COL4A3: variants seen among roughly 807,000 people sequenced by gnomAD.
COL4A3 encodes the protein collagen alpha-3(IV) chain.
COL4A3 carries 135 observed loss-of-function variants against 217.4 expected under a neutral mutation model. That is an observed-to-expected ratio of 0.62 (90% CI 0.54 to 0.72). The LOEUF (loss-of-function observed/expected upper bound fraction) is 0.72, where lower values mean the gene tolerates loss of function less well. Among genes scored for constraint, COL4A3 ranks in the 30% least tolerant of loss-of-function variants. The pLI is 0.00. For synonymous variants in COL4A3, 690 were observed against 736.3 expected (o/e 0.94, Z 1.02); for missense variants, 1,868 against 2,119.9 (o/e 0.88, Z 2.33).
At chr2:227,306,262 C>T (rs1404800107) in intron 47 of COL4A3, among the ~76,000 whole-genome samples, 1 of 152,192 alleles carries the variant, frequency 6.6e-6, no homozygotes, top group East Asian at 1.9e-4. Context: ...ATGGAGGCCT[C>T]ACAAGAATGA....
intron 1 of COL4A3, among the ~76,000 whole-genome samples, chr2:227,168,802 C>G (rs76744103): frequency 0.049 from 7,527 of 152,104 alleles, 235 homozygotes; most frequent in Admixed American, 0.087. Flanking sequence ...ATTATGAGAT[C>G]TACTTTTATC....
chr2:227,246,731 G>T lies in COL4A3; in HGVS notation c.434G>T (p.Gly145Val). The T allele has an allele frequency of 1.9e-6, 3 of 1,612,240 alleles. No individual in the cohort carries two copies. The highest frequency in any genetic ancestry group is 2.5e-6 in the Non-Finnish European group (3 of 1,178,432). Residue 145 changes from glycine (G) to valine (V), a missense_variant, in exon 7 of 52, where the codon GGG (glycine) becomes GTG (valine). Coordinates refer to ENST00000396578, the MANE Select transcript of COL4A3 (RefSeq NM_000091.5). ...PGLPGTLGYP[G>V]IPGAAGLKGQ... ...CTCCCAGGGACACTGGGCTACCCAG[G>T]GATCCCGGTAGGTTTGCATGCCTAA...
At chr2:227,302,090 T>C (rs1160484254) in intron 43 of COL4A3, 1 of 152,250 alleles carries the variant, frequency 6.6e-6, no homozygotes, top group Non-Finnish European at 1.5e-5. Flanking sequence ...TGCTCCCTCC[T>C]CCCTCCTTCT....
intron 1 of COL4A3, among the ~76,000 whole-genome samples, chr2:227,235,979 G>A (rs2068673312): frequency 6.6e-6 from 1 of 151,702 alleles, no homozygotes; most frequent in African/African-American, 2.4e-5. Context: ...TTGCCATGTT[G>A]GCCAGGCTAG....
intron 1 of COL4A3, among the ~76,000 whole-genome samples, chr2:227,198,506 A>G (rs1052297544): frequency 1.3e-5 from 2 of 152,242 alleles, no homozygotes; most frequent in African/African-American, 4.8e-5. Context: ...TATCACTTCA[A>G]ATGAAGCATG....
rs73088287 is a variant in COL4A3 at position 227,213,624 on chromosome 2, C to T, written c.88-24344C>T. 9.3e-4 allele frequency among the ~76,000 whole-genome samples: 142 copies of T among 152,164 alleles called. 1 individual carries two copies. Among genetic ancestry groups the T allele is most frequent in the African/African-American group, 3.1e-3 (128 of 41,530 alleles). Reference sequence around the variant, plus strand: ...TGATTAAAAACATACATATAAATGGCCAGGCGCGGTGGCTTACGCCTGTAG... The same window carrying T: ...TGATTAAAAACATACATATAAATGGTCAGGCGCGGTGGCTTACGCCTGTAG... On this transcript the variant is annotated intron_variant, in intron 1 of 51. Transcript: ENST00000396578.
At chr2:227,277,334 AAAAAAAC>A in intron 27 of COL4A3, 108 bp from the exon 28 acceptor site, 1 of 737,916 alleles carries the variant, frequency 1.4e-6, no homozygotes, top group Admixed American at 2.5e-5. Context: ...AAAAAAAAAA[AAAAAAAC>A]AATGTGCAAA....
intron 1 of COL4A3, among the ~76,000 whole-genome samples, chr2:227,207,037 G>A (rs993585308): frequency 6.6e-6 from 1 of 152,118 alleles, no homozygotes; most frequent in African/African-American, 2.4e-5. Context: ...TGGAAGAGGA[G>A]GGCTCTGATA....
At chr2:227,244,816 C>G in intron 4 of COL4A3, 135 bp from the exon 5 acceptor site, 1 of 908,410 alleles carries the variant, frequency 1.1e-6, no homozygotes, top group African/African-American at 1.6e-5. Flanking sequence ...ATTTGTTTTC[C>G]CAATCGTTTC....
At chr2:227,279,637 G>A in intron 28 of COL4A3, 156 bp from the exon 29 acceptor site, 1 of 557,532 alleles carries the variant, frequency 1.8e-6, no homozygotes. Flanking sequence ...AATTTGATTT[G>A]GAACTTTTAA....
At chr2:227,209,533 T>C (rs747862785) in intron 1 of COL4A3, among the ~76,000 whole-genome samples, 2 of 152,146 alleles carry the variant, frequency 1.3e-5, no homozygotes, top group Admixed American at 6.5e-5. Context: ...CTCCTCTGTG[T>C]TAGAACATTA....
At chr2:227,295,235 C>G (rs746905625) in intron 40 of COL4A3, 34 bp from the exon 41 acceptor site, 162 of 1,608,060 alleles carry the variant, frequency 1.0e-4, no homozygotes, top group Admixed American at 3.8e-4. Flanking sequence ...ATGAAATTGA[C>G]CAATTATTAA....
Position 227,261,128 on chromosome 2 carries a change from G to A in COL4A3, c.1150+11G>A. 5 of 1,607,364 alleles carry A rather than the reference G, an allele frequency of 3.1e-6. No homozygotes were observed. The highest frequency in any genetic ancestry group is 1.1e-5 in the South Asian group (1 of 90,844). On this transcript the variant is annotated intron_variant, in intron 20 of 51. Coordinates refer to ENST00000396578, the MANE Select transcript of COL4A3 (RefSeq NM_000091.5). The stretch of plus-strand genomic sequence containing the variant: ...TTCCTGGAAGTCCTGGTATGTCCAT[G>A]TTTCTTGGGGTACAAATAGAAATGC...
chr2:227,193,681 C>A (rs968499661), intron 1 of COL4A3, among the ~76,000 whole-genome samples: 1 of 147,486 alleles, frequency 6.8e-6, no homozygotes, highest in African/African-American at 2.5e-5. Flanking sequence ...CAGTGCACTC[C>A]AGCCTGGTGA....
chr2:227,210,323 G>A (rs1332342581), intron 1 of COL4A3, among the ~76,000 whole-genome samples: 1 of 152,178 alleles, frequency 6.6e-6, no homozygotes, highest in African/African-American at 2.4e-5. Flanking sequence ...GGGCATGGTG[G>A]CTCATACCTG....
At chr2:227,293,722 C>T in intron 38 of COL4A3, 1 of 473,774 alleles carries the variant, frequency 2.1e-6, no homozygotes, top group South Asian at 1.5e-5. Context: ...GCTTAAACTA[C>T]AGATGTTTAT....
At chr2:227,246,533 G>A in intron 6 of COL4A3, 152 bp from the exon 7 acceptor site, 1 of 681,732 alleles carries the variant, frequency 1.5e-6, no homozygotes, top group South Asian at 1.7e-5. Context: ...TGGTTTTTTG[G>A]TCTTCAGCCT....
intron 50 of COL4A3, among the ~76,000 whole-genome samples, chr2:227,309,621 A>G (rs2073662786): frequency 1.3e-5 from 2 of 151,950 alleles, no homozygotes; most frequent in African/African-American, 4.8e-5. Context: ...TTATCTTTTG[A>G]GACAGATTCT....
In COL4A3 at chr2:227,275,250, G is replaced by A. The variant is rs192655585; in HGVS notation, c.1928-1135G>A. ...GGCTGCAGTGCAGTGGCGTGATCTC[G>A]GCTCACTGCAACCTATACCTCCTGG... On this transcript the variant is annotated intron_variant, in intron 26 of 51. Transcript: ENST00000396578. Among the ~76,000 whole-genome samples the A allele has an allele frequency of 1.1e-4, 16 of 152,058 alleles. No individual in the cohort carries two copies. In the East Asian group the frequency reaches 2.5e-3, roughly 24 times the overall value.
Sources: allele counts gnomAD v4.1 joint callset (sites outside exome capture counted in the v4.1 genomes callset), GRCh38; gene constraint gnomAD v4.1.1; transcripts MANE v1.5; gene names NCBI Gene and HGNC (gene_info 2026-07-23, HGNC 2026-07-21).